LMF1: variants seen among roughly 807,000 people sequenced by gnomAD.
The protein encoded by LMF1 is transmembrane protein 112.
Under a neutral mutation model 60.6 loss-of-function variants are expected in LMF1, and 68 were observed. That is an observed-to-expected ratio of 1.12 (90% CI 0.92 to 1.37). LMF1 has a LOEUF of 1.37. Ranked by LOEUF, LMF1 falls within the 40% of genes most tolerant of loss-of-function variation. The pLI, the probability that LMF1 is intolerant of heterozygous loss-of-function variation, is 0.00. For synonymous variants in LMF1, 418 were observed against 324.7 expected, an observed-to-expected ratio of 1.29 and a Z score of -3.09; for missense variants, 948 against 767.2, an observed-to-expected ratio of 1.24 and a Z score of -2.78.
chr16:934,393 C>A lies in LMF1; in HGVS notation c.504-139G>T. On this transcript the variant is annotated intron_variant, in intron 2 of 10. Coordinates refer to ENST00000262301, the MANE Select transcript of LMF1 (RefSeq NM_022773.4). ...GGAAGCCCTGCGAGGAGGACCTGCC[C>A]GCTGGGCATTAGGGGAACAGGAGCC... is the stretch of plus-strand genomic sequence containing the variant. The A allele has an allele frequency of 2.9e-6, 3 of 1,046,990 alleles. No homozygotes were observed. The South Asian group carries it at 4.1e-5, about 14-fold the overall frequency. The allele number at this position is 1,046,990 out of a possible 1,614,324, so 64.9% of individuals were successfully genotyped here.
chr16:922,932 T>G lies in LMF1; in HGVS notation c.514+11312A>C, dbSNP rs575813268. Among the ~76,000 whole-genome samples, 49 of 107,662 alleles carry G rather than the reference T, an allele frequency of 4.6e-4. 4 individuals are homozygous for G. Among genetic ancestry groups the G allele is most frequent in the African/African-American group, 2.4e-3 (45 of 18,904 alleles). The allele number at this position is 107,662 out of a possible 152,430, so 70.6% of individuals were successfully genotyped here. A position where few individuals can be genotyped will look rare whatever the true frequency, so the allele number is the denominator to read the frequency against. ...AAGTCGCCGGGGTTTTCGGGTGTGA[T>G]GTGGTGTTGGTGTCGTGTTGTTGCG... On this transcript the variant is annotated intron_variant, in intron 3 of 10. Transcript: ENST00000262301.
chr16:904,268 C>T lies in LMF1; in HGVS notation c.663+6663G>A, dbSNP rs1439349950. ...GGTGACCTCTGCATCGCCCACAGGACGCCTGTCTCTGATGTGTGGTGGTGA... is the reference window on the plus strand; with the variant it reads ...GGTGACCTCTGCATCGCCCACAGGATGCCTGTCTCTGATGTGTGGTGGTGA... On this transcript the variant is annotated intron_variant, in intron 4 of 10. Coordinates refer to ENST00000262301, the MANE Select transcript of LMF1 (RefSeq NM_022773.4). 1.6e-5 allele frequency among the ~76,000 whole-genome samples: 2 copies of T among 121,264 alleles called. 1 individual carries two copies. Among genetic ancestry groups the T allele is most frequent in the Non-Finnish European group, 3.3e-5 (2 of 60,518 alleles). 79.6% of individuals were successfully genotyped at this position (121,264 alleles called of 152,430 possible).
chr16:926,003 A>G (rs12596045), intron 3 of LMF1, among the ~76,000 whole-genome samples: 47,118 of 151,922 alleles, frequency 0.31, 9,195 homozygotes, highest in African/African-American at 0.53. Context: ...GTATGCATGC[A>G]TGCATGTGTG....
intron 3 of LMF1, among the ~76,000 whole-genome samples, chr16:923,201 T>C (rs1375122528): frequency 6.6e-6 from 1 of 152,152 alleles, no homozygotes; most frequent in Non-Finnish European, 1.5e-5. Flanking sequence ...TGCAGGAATG[T>C]GATGCCTGGG....
chr16:871,088 G>A (rs1399529541), intron 7 of LMF1, 73 bp downstream of exon 7: 27 of 1,459,906 alleles, frequency 1.8e-5, no homozygotes, highest in South Asian at 2.8e-5. Context: ...CAACCCACAC[G>A]GGCAGGCTGT....
upstream of LMF1, among the ~76,000 whole-genome samples, chr16:973,259 C>T (rs189861450): frequency 0.012 from 1,788 of 152,218 alleles, 26 homozygotes; most frequent in South Asian, 0.099. Context: ...ACAGGAGAAT[C>T]GCTTGAACCC....
At position 853,797 on chromosome 16, in the gene LMF1, G is replaced by T. The variant is rs771557356; in HGVS notation, c.*735C>A. 4 of 454,036 alleles carry T rather than the reference G, an allele frequency of 8.8e-6. No individual in the cohort carries two copies. Among genetic ancestry groups the T allele is most frequent in the South Asian group, 3.1e-5 (2 of 64,482 alleles). 28.1% of individuals were successfully genotyped at this position (454,036 alleles called of 1,614,324 possible). ...CCTCCGATTGAGGGGCCTTGTCAAG[G>T]CCTCAGAGGCAGCGAGGTCACAGCC... On this transcript the variant is annotated 3_prime_UTR_variant, in exon 11 of 11. Transcript: ENST00000262301.
intron 3 of LMF1, among the ~76,000 whole-genome samples, chr16:919,069 C>T (rs953217677): frequency 6.6e-6 from 1 of 152,086 alleles, no homozygotes; most frequent in Non-Finnish European, 1.5e-5. Flanking sequence ...TGTGGGCAGT[C>T]GGCATGTCGG....
intron 2 of LMF1, among the ~76,000 whole-genome samples, chr16:946,092 C>G (rs2072232259): frequency 6.6e-6 from 1 of 152,224 alleles, no homozygotes; most frequent in Admixed American, 6.5e-5. Flanking sequence ...ACAGAGTTCA[C>G]CAAGAAGTCA....
At chr16:975,446 C>T (rs368244384), upstream of LMF1, among the ~76,000 whole-genome samples, 56 of 152,206 alleles carry the variant, frequency 3.7e-4, no homozygotes, top group African/African-American at 1.3e-3. Context: ...TATCAGTCAC[C>T]GTGTAGCGGT....
chr16:879,706 T>C lies in LMF1; in HGVS notation c.761A>G (p.Tyr254Cys). Residue 254 changes from tyrosine to cysteine, a missense_variant, in exon 6 of 11, where the codon TAC becomes TGC. Physicochemically the swap from Tyr to Cys is radical, Grantham distance 194. Coordinates refer to ENST00000262301, the MANE Select transcript of LMF1 (RefSeq NM_022773.4). ...TQPMPNPVAY[Y>C]LHHSPWWFHR... ...GAACCACCAGGGTGAGTGGTGCAGG[T>C]AGTACGCCACAGGATTGGGCATCGG... The C allele has an allele frequency of 1.2e-6, 2 of 1,600,338 alleles. No individual in the cohort carries two copies. Among genetic ancestry groups the C allele is most frequent in the Non-Finnish European group, 1.7e-6 (2 of 1,174,086 alleles).
intron 1 of LMF1, among the ~76,000 whole-genome samples, chr16:965,955 G>A (rs968955388): frequency 2.6e-5 from 4 of 152,124 alleles, no homozygotes; most frequent in Non-Finnish European, 4.4e-5. Flanking sequence ...GGAGCTAGAG[G>A]GGAGACAGGC....
chr16:920,476 C>G (rs1212596566), intron 3 of LMF1, among the ~76,000 whole-genome samples: 2 of 152,238 alleles, frequency 1.3e-5, no homozygotes, highest in African/African-American at 4.8e-5. Flanking sequence ...ATGCCCCTGG[C>G]TGAGCTCAGC....
intron 4 of LMF1, among the ~76,000 whole-genome samples, chr16:895,439 G>A (rs1189774444): frequency 4.6e-5 from 7 of 152,222 alleles, no homozygotes; most frequent in Admixed American, 6.5e-5. Context: ...AACCACACAC[G>A]GGAGGGCCTT....
chr16:942,711 A>G (rs1050211641), intron 2 of LMF1, among the ~76,000 whole-genome samples: 2 of 138,762 alleles, frequency 1.4e-5, no homozygotes, highest in Non-Finnish European at 3.2e-5. Flanking sequence ...CTCCAATCAC[A>G]TGTATGTTAG....
intron 7 of LMF1, 79 bp downstream of exon 7, chr16:871,082 C>T: frequency 1.4e-6 from 2 of 1,455,992 alleles, no homozygotes; most frequent in Non-Finnish European, 1.8e-6. Flanking sequence ...CGTCCCCAAC[C>T]CACACGGGCA....
intron 3 of LMF1, among the ~76,000 whole-genome samples, chr16:916,728 C>G (rs1026067586): frequency 6.6e-6 from 1 of 152,230 alleles, no homozygotes; most frequent in Non-Finnish European, 1.5e-5. Context: ...CTTTTGTGAC[C>G]ATGTTTGAAA....
chr16:977,380 ACCCGTCCGGGGGCGG>A (rs2073178569), intron 1 of LMF1, among the ~76,000 whole-genome samples: 1 of 151,878 alleles, frequency 6.6e-6, no homozygotes. Context: ...TCCCCTGGAG[ACCCGTCCGGGGGCGG>A]GGCCTTTCCC....
chr16:964,815 C>G (rs2072890339), intron 1 of LMF1, among the ~76,000 whole-genome samples: 1 of 152,244 alleles, frequency 6.6e-6, no homozygotes, highest in South Asian at 2.1e-4. Flanking sequence ...GCTACAAGGG[C>G]TGCGGTGAGA....
Sources: allele counts gnomAD v4.1 joint callset (sites outside exome capture counted in the v4.1 genomes callset), GRCh38; gene constraint gnomAD v4.1.1; transcripts MANE v1.5; gene names NCBI Gene and HGNC (gene_info 2026-07-23, HGNC 2026-07-21).